NLRP3: variants seen among roughly 807,000 people sequenced by gnomAD.
NLRP3 encodes the protein NACHT, LRR and PYD domains-containing protein 3.
NLRP3 carries 48 observed loss-of-function variants against 91.3 expected under a neutral mutation model. That is an observed-to-expected ratio of 0.53 (90% CI 0.42 to 0.67). NLRP3 has a LOEUF of 0.67. Ranked by LOEUF, NLRP3 falls within the 30% of genes least tolerant of loss-of-function variation. NLRP3 has a pLI of 0.00. For synonymous variants in NLRP3, 561 were observed against 507.9 expected (o/e 1.10, Z -1.41); for missense variants, 982 against 1,276.9 (o/e 0.77, Z 3.52).
At chr1:247,441,058 T>A (rs539043317) in intron 7 of NLRP3, among the ~76,000 whole-genome samples, 45 of 141,918 alleles carry the variant, frequency 3.2e-4, no homozygotes, top group African/African-American at 1.1e-3. Context: ...ATGTTTGATC[T>A]TCTTCTTCAG....
chr1:247,424,923 C>T lies in NLRP3; in HGVS notation c.1474C>T (p.Leu492=). 1 of 1,613,264 alleles carries T rather than the reference C, an allele frequency of 6.2e-7. No individual in the cohort carries two copies. Among genetic ancestry groups the T allele is most frequent in the Non-Finnish European group, 8.5e-7 (1 of 1,180,038 alleles). The change falls in exon 4 of 10, where the codon CTG becomes TTG. Residue 492 remains leucine, a synonymous_variant. Transcript: ENST00000336119. This position sits in a 1 kb window ranked among gnomAD's most constrained non-coding sequence, Gnocchi z 8.1. ...GGAGTCCGACCTCAGGAATCATGGA[C>T]TGCAGAAGGCGGATGTGTCTGCTTT... ...FEESDLRNHG[L]QKADVSAFLR...
intron 5 of NLRP3, among the ~76,000 whole-genome samples, chr1:247,432,046 A>G (rs947804726): frequency 6.6e-6 from 1 of 152,108 alleles, no homozygotes; most frequent in South Asian, 2.1e-4. Flanking sequence ...CACCACGCCC[A>G]GCTGATTTTT....
rs3806267 is a variant in NLRP3, at chr1:247,424,040, C to T, written c.591C>T (p.Pro197=). ...GCAAGACCAAGACGTGTGAGAGCCCCGTGAGTCCCATTAAGATGGAGTTGC... is the reference window on the plus strand; with the variant it reads ...GCAAGACCAAGACGTGTGAGAGCCCTGTGAGTCCCATTAAGATGGAGTTGC... ...AIGKTKTCES[P]VSPIKMELLF... Residue 197 remains proline (P), a synonymous_variant, in exon 4 of 10, where the codon CCC becomes CCT. Transcript: ENST00000336119. The surrounding 1 kb of genome is among the most constrained non-coding windows in gnomAD (Gnocchi z 8.1). The T allele has an allele frequency of 3.2e-5, 51 of 1,613,786 alleles. No homozygotes were observed. Among genetic ancestry groups the T allele is most frequent in the East Asian group, 6.7e-5 (3 of 44,880 alleles).
chr1:247,448,553 T>C lies in NLRP3; in HGVS notation c.*49T>C, dbSNP rs780879935. 2 of 1,136,566 alleles carry C rather than the reference T, an allele frequency of 1.8e-6. No homozygotes were observed. The highest frequency in any genetic ancestry group is 3.0e-5 in the African/African-American group (2 of 65,626). The allele number at this position is 1,136,566 out of a possible 1,614,324, so 70.4% of individuals were successfully genotyped here. ...GCCAGTGTTCTCCGGTCCCTCCAGC[T>C]GGGGGCCCTCAGGTGGAGAGAGCTG... is the stretch of plus-strand genomic sequence containing the variant. On this transcript the variant is annotated 3_prime_UTR_variant, in exon 10 of 10. Coordinates refer to ENST00000336119, the MANE Select transcript of NLRP3 (RefSeq NM_001243133.2).
rs541981407 is a variant in NLRP3, at chr1:247,431,908, T to A, written c.2321+2153T>A. Among the ~76,000 whole-genome samples, 9 of 151,574 alleles carry A rather than the reference T, an allele frequency of 5.9e-5. No homozygotes were observed. In the South Asian group the frequency reaches 1.9e-3, roughly 32 times the overall value. On this transcript the variant is annotated intron_variant, in intron 5 of 9. Transcript: ENST00000336119. ...TCTGGGCTTTTACTGTAACTACCCCTTTTTTTTTGAGATGGACTCTCGCCG... is the reference window on the plus strand; with the variant it reads ...TCTGGGCTTTTACTGTAACTACCCCATTTTTTTTGAGATGGACTCTCGCCG...
At chr1:247,430,270 G>A (rs2103135527) in intron 5 of NLRP3, among the ~76,000 whole-genome samples, 1 of 152,346 alleles carries the variant, frequency 6.6e-6, no homozygotes, top group Admixed American at 6.5e-5. Flanking sequence ...GAAAGTCTAA[G>A]ATCAAGGTGT....
chr1:247,448,268 CT>C (rs58966539), intron 9 of NLRP3, 136 bp from the exon 10 acceptor site: 60,385 of 354,086 alleles, frequency 0.17, 2,090 homozygotes, highest in East Asian at 0.22. Context: ...TGTGGTCCCT[CT>C]TTTTTTTTTT....
rs1273481512 is a variant in NLRP3, at chr1:247,444,110, C to T, written c.2802C>T (p.Leu934=). 1 of 1,614,098 alleles carries T rather than the reference C, an allele frequency of 6.2e-7. No homozygotes were observed. Among genetic ancestry groups the T allele is most frequent in the East Asian group, 2.2e-5 (1 of 44,898 alleles). ...GGATCAAACTACTCTGTGAGGGACT[C>T]TTGCACCCCGACTGCAAGCTTCAGG... The part of the protein sequence containing the change: ...DKGIKLLCEG[L]LHPDCKLQVL... Residue 934 remains leucine, a synonymous_variant, in exon 8 of 10, where the codon CTC becomes CTT. Transcript: ENST00000336119.
At chr1:247,421,917 T>G (rs1662486026) in intron 2 of NLRP3, among the ~76,000 whole-genome samples, 1 of 152,190 alleles carries the variant, frequency 6.6e-6, no homozygotes, top group Non-Finnish European at 1.5e-5. Context: ...GTGCATCACT[T>G]GAGCTCAGGA....
At chr1:247,435,913 G>T in intron 6 of NLRP3, 57 bp from the exon 7 acceptor site, 1 of 1,575,990 alleles carries the variant, frequency 6.3e-7, no homozygotes, top group South Asian at 1.1e-5. Flanking sequence ...GTGCTTCCTT[G>T]TCCATGGTGG....
intron 4 of NLRP3, among the ~76,000 whole-genome samples, chr1:247,426,493 T>C (rs79086538): frequency 0.037 from 5,684 of 152,272 alleles, 129 homozygotes; most frequent in Non-Finnish European, 0.058. Flanking sequence ...TAGAAGACAC[T>C]TGACGTGGGG....
intron 5 of NLRP3, among the ~76,000 whole-genome samples, chr1:247,430,134 C>T (rs1246990203): frequency 1.3e-5 from 2 of 152,112 alleles, no homozygotes; most frequent in African/African-American, 4.8e-5. Flanking sequence ...CCTCGGCCTC[C>T]CAAAATGCTG....
chr1:247,428,686 G>C lies in NLRP3; in HGVS notation c.2151-899G>C, dbSNP rs1219413469. ...AAAGATCCATATAGCTGGACACAGT[G>C]ACTCGTGCCTGTAACCTCAGCTACT... On this transcript the variant is annotated intron_variant, in intron 4 of 9. Transcript: ENST00000336119. 3.7e-4 allele frequency among the ~76,000 whole-genome samples: 56 copies of C among 152,098 alleles called. 1 individual carries two copies. Among genetic ancestry groups the C allele is most frequent in the Admixed American group, 3.7e-3 (56 of 15,268 alleles).
Position 247,424,851 on chromosome 1 carries a change from T to C in NLRP3, c.1402T>C (p.Cys468Arg), listed in dbSNP as rs2103110741. The C allele has an allele frequency of 1.2e-6, 2 of 1,608,272 alleles. No homozygotes were observed. The highest frequency in any genetic ancestry group is 1.7e-6 in the Non-Finnish European group (2 of 1,179,994). Residue 468 changes from cysteine (C) to arginine (R), a missense_variant, in exon 4 of 10, where the codon TGC (cysteine) becomes CGC (arginine). Physicochemically the swap from Cys to Arg is radical, Grantham distance 180. Transcript: ENST00000336119. This position sits in a 1 kb window ranked among gnomAD's most constrained non-coding sequence, Gnocchi z 8.1. Reference protein sequence around the residue: ...HGLCAHLWGLCSLAADGIWNQ... With the variant: ...HGLCAHLWGLRSLAADGIWNQ... ...CCTCTGCGCCCACCTCTGGGGGCTC[T>C]GCTCTTTGGCTGCAGATGGAATCTG...
intron 9 of NLRP3, among the ~76,000 whole-genome samples, chr1:247,445,054 C>T (rs1664501916): frequency 6.6e-6 from 1 of 152,118 alleles, no homozygotes; most frequent in African/African-American, 2.4e-5. Context: ...ACCCACATTC[C>T]CCAAAGAAAC....
At position 247,423,989 on chromosome 1, in the gene NLRP3, G is replaced by A. The variant is rs776029324; in HGVS notation, c.540G>A (p.Glu180=). 1.2e-6 allele frequency: 2 copies of A among 1,614,098 alleles called. No homozygotes were observed. The highest frequency in any genetic ancestry group is 2.2e-5 in the South Asian group (2 of 91,068). The change falls in exon 4 of 10, where the codon GAG becomes GAA. Residue 180 remains glutamate, a synonymous_variant. Transcript: ENST00000336119. ...RLIKEHRSQQ[E]REQELLAIGK... ...TCAAGGAGCACCGGAGCCAGCAGGA[G>A]AGGGAGCAGGAGCTTCTGGCCATCG...
intron 3 of NLRP3, among the ~76,000 whole-genome samples, chr1:247,423,638 A>C (rs1662631602): frequency 6.6e-6 from 1 of 152,116 alleles, no homozygotes; most frequent in Admixed American, 6.5e-5. Flanking sequence ...GCTGGTAGCT[A>C]CACATAGAGA....
In NLRP3 at chr1:247,425,789, T is replaced by C. The variant is rs1662832462; in HGVS notation, c.2150+190T>C. On this transcript the variant is annotated intron_variant, in intron 4 of 9. Coordinates refer to ENST00000336119, the MANE Select transcript of NLRP3 (RefSeq NM_001243133.2). This position sits in a 1 kb window ranked among gnomAD's most constrained non-coding sequence, Gnocchi z 4.1. ...ATGTATGGTAGGTGGATAAATGGGA[T>C]GAGGAAAAAAAAAATAAAACAAGGA... 1 of 615,412 alleles carries C rather than the reference T, an allele frequency of 1.6e-6. No individual in the cohort carries two copies. The highest frequency in any genetic ancestry group is 2.9e-6 in the Non-Finnish European group (1 of 349,098). The allele number at this position is 615,412 out of a possible 1,614,324, so 38.1% of individuals were successfully genotyped here.
At chr1:247,430,614 TG>T (rs1275901824) in intron 5 of NLRP3, among the ~76,000 whole-genome samples, 24 of 152,108 alleles carry the variant, frequency 1.6e-4, no homozygotes, top group Non-Finnish European at 2.9e-5. Context: ...GGAAGTTTTG[TG>T]TGGGGAAGAA....
Sources: gnomAD v4.1 joint callset for allele counts (sites outside exome capture counted in the v4.1 genomes callset) on GRCh38, gnomAD v4.1.1 for gene constraint, Gnocchi (gnomAD v3.1) non-coding constraint, MANE v1.5 for transcripts, NCBI Gene and HGNC (gene_info 2026-07-23, HGNC 2026-07-21) for gene names.